The following PCDHGA3 variants were observed in gnomAD, a reference collection of about 807,000 sequenced individuals.
The protein encoded by PCDHGA3 is protocadherin gamma-A3.
Under a neutral mutation model 58.5 loss-of-function variants are expected in PCDHGA3, and 40 were observed. That is an observed-to-expected ratio of 0.68 (90% confidence interval 0.53 to 0.89). The LOEUF is 0.89. Ranked by LOEUF, PCDHGA3 falls within the 40% of genes least tolerant of loss-of-function variation. The pLI is 0.00. For missense variants in PCDHGA3, 1,223 were observed against 1,195.9 expected, an observed-to-expected ratio of 1.02 and a Z score of -0.33; for synonymous variants, 530 against 525.7, an observed-to-expected ratio of 1.01 and a Z score of -0.11.
chr5:141,435,855 G>A (rs1164301394), intron 1 of PCDHGA3, among the ~76,000 whole-genome samples: 1 of 152,006 alleles, frequency 6.6e-6, no homozygotes, highest in Non-Finnish European at 1.5e-5. Flanking sequence ...AGATACAATA[G>A]TTAAAACCCA....
At position 141,378,204 on chromosome 5, in the gene PCDHGA3, T is replaced by C. The variant is rs1335712124; in HGVS notation, c.2424+31747T>C. On this transcript the variant is annotated intron_variant, in intron 1 of 3. Coordinates refer to ENST00000253812, the MANE Select transcript of PCDHGA3 (RefSeq NM_018916.4). ...TGCTGTGTGCCTACTACAGTGTCTT[T>C]TGCATACTGTGTGCCTGATAGTATT... The C allele has an allele frequency of 1.4e-4, 22 of 152,240 alleles. 1 individual carries two copies. Among genetic ancestry groups the C allele is most frequent in the Admixed American group, 1.4e-3 (22 of 15,288 alleles). The allele number at this position is 152,240 out of a possible 1,614,324, so 9.4% of individuals were successfully genotyped here.
intron 1 of PCDHGA3, chr5:141,408,803 G>T: frequency 6.2e-7 from 1 of 1,613,150 alleles, no homozygotes; most frequent in South Asian, 1.1e-5. Flanking sequence ...GAAACTCCTA[G>T]ACCGGGAAGA....
At chr5:141,427,365 TG>T (rs1391779401) in intron 1 of PCDHGA3, 2 of 457,804 alleles carry the variant, frequency 4.4e-6, no homozygotes, top group Non-Finnish European at 8.8e-6. Flanking sequence ...CGCAGAACCC[TG>T]GACGGTGATC....
rs762662380 is a variant in PCDHGA3, at chr5:141,419,561, G to A, written c.2424+73104G>A. 9 of 1,611,728 alleles carry A rather than the reference G, an allele frequency of 5.6e-6. No individual in the cohort carries two copies. The Admixed American group carries it at 1.2e-4, about 21-fold the overall frequency. The stretch of plus-strand genomic sequence containing the variant: ...ACCGCGGGTGCTGTACCCTGCGCTG[G>A]GTCCCGACGGCTCCGCGCTCTTCGA... On this transcript the variant is annotated intron_variant, in intron 1 of 3. Coordinates refer to ENST00000253812, the MANE Select transcript of PCDHGA3 (RefSeq NM_018916.4).
chr5:141,481,179 T>C (rs115525079), intron 1 of PCDHGA3, among the ~76,000 whole-genome samples: 16 of 152,358 alleles, frequency 1.1e-4, no homozygotes, highest in African/African-American at 3.6e-4. Flanking sequence ...TCCAGCTTTA[T>C]TGGGCCAGGC....
chr5:141,413,319 C>T, intron 1 of PCDHGA3: 1 of 1,613,960 alleles, frequency 6.2e-7, no homozygotes, highest in South Asian at 1.1e-5. Context: ...AAGGCTCTTT[C>T]GTGGGCAACA....
Position 141,409,702 on chromosome 5 carries a change from G to A in PCDHGA3, c.2424+63245G>A, listed in dbSNP as rs545411022. The A allele has an allele frequency of 2.0e-5, 32 of 1,613,226 alleles. No homozygotes were observed. In the South Asian group the frequency reaches 3.0e-4, roughly 15 times the overall value. On this transcript the variant is annotated intron_variant, in intron 1 of 3. Transcript: ENST00000253812. ...TGGCGAGTGACCTAGAGCCCCTGGC[G>A]GTGTCGTCATACGTGTCAGTGAGCG...
rs2093981639 is a variant in PCDHGA3 at position 141,400,215 on chromosome 5, A to G, written c.2424+53758A>G. On this transcript the variant is annotated intron_variant, in intron 1 of 3. Transcript: ENST00000253812. ...TAGTGGTGGCCTTGGCCTTGATCTC[A>G]GTGCTCTTCCTCCTGGCCGTGATTC... 3 of 1,613,736 alleles carry G rather than the reference A, an allele frequency of 1.9e-6. No individual in the cohort carries two copies. The East Asian group carries it at 6.7e-5, about 36-fold the overall frequency.
intron 1 of PCDHGA3, among the ~76,000 whole-genome samples, chr5:141,402,328 A>G (rs1589453798): frequency 6.6e-6 from 1 of 152,000 alleles, no homozygotes; most frequent in Non-Finnish European, 1.5e-5. Context: ...ACATTTACAA[A>G]TATATAGGTA....
chr5:141,427,930 T>C, intron 1 of PCDHGA3: 2 of 1,583,398 alleles, frequency 1.3e-6, no homozygotes. Flanking sequence ...CGGCGCATGT[T>C]GGTGGGCGAC....
At position 141,486,427 on chromosome 5, in the gene PCDHGA3, A is replaced by T. The variant is rs775958317; in HGVS notation, c.2425-8380A>T. ...CTGGACCCTTGGATCGAGAGGCCAAATCTAGCTATGACATCATGGTCACTG... is the reference window on the plus strand; with the variant it reads ...CTGGACCCTTGGATCGAGAGGCCAATTCTAGCTATGACATCATGGTCACTG... On this transcript the variant is annotated intron_variant, in intron 1 of 3. Transcript: ENST00000253812. The surrounding 1 kb of genome is among the most constrained non-coding windows in gnomAD (Gnocchi z 5.0). 17 of 1,614,042 alleles carry T rather than the reference A, an allele frequency of 1.1e-5. No homozygotes were observed. The Admixed American group carries it at 2.8e-4, about 27-fold the overall frequency.
At chr5:141,441,187 AT>A (rs1349788972) in intron 1 of PCDHGA3, 1 of 152,214 alleles carries the variant, frequency 6.6e-6, no homozygotes, top group Non-Finnish European at 1.5e-5. Context: ...TTCCACAATG[AT>A]TCCCAAAGAT....
At chr5:141,455,837 AT>A (rs2098833014) in intron 1 of PCDHGA3, among the ~76,000 whole-genome samples, 2 of 151,422 alleles carry the variant, frequency 1.3e-5, no homozygotes, top group African/African-American at 4.8e-5. Context: ...TTTCCTGTCT[AT>A]CTGCATAAAA....
At chr5:141,408,410 G>C (rs1329403051) in intron 1 of PCDHGA3, 1 of 1,613,932 alleles carries the variant, frequency 6.2e-7, no homozygotes, top group African/African-American at 1.3e-5. Flanking sequence ...GCGAGTGAGC[G>C]CGGAGAAGCT....
chr5:141,365,815 A>G (rs1246985073), intron 1 of PCDHGA3: 1 of 1,613,664 alleles, frequency 6.2e-7, no homozygotes, highest in Admixed American at 1.7e-5. Context: ...CTGAAGACAC[A>G]TTTCAGGGGG....
chr5:141,402,369 A>C (rs1281295306), intron 1 of PCDHGA3, among the ~76,000 whole-genome samples: 1 of 152,066 alleles, frequency 6.6e-6, no homozygotes, highest in Non-Finnish European at 1.5e-5. Context: ...ACTTCCAAAC[A>C]AGATTGCACA....
intron 1 of PCDHGA3, chr5:141,384,315 C>G (rs1465826601): frequency 6.2e-7 from 1 of 1,613,878 alleles, no homozygotes; most frequent in Non-Finnish European, 8.5e-7. Flanking sequence ...CCTCCATTTT[C>G]TTAGTGACTG....
At chr5:141,420,824 C>T (rs1282369085) in intron 1 of PCDHGA3, among the ~76,000 whole-genome samples, 1 of 152,216 alleles carries the variant, frequency 6.6e-6, no homozygotes, top group Admixed American at 6.5e-5. Context: ...TTAATAATTA[C>T]TCCTTTCGCA....
intron 1 of PCDHGA3, chr5:141,384,103 T>A (rs1305926581): frequency 6.2e-7 from 1 of 1,600,344 alleles, no homozygotes; most frequent in Non-Finnish European, 8.5e-7. Flanking sequence ...AGATAATTAT[T>A]ATAGATTGGT....
Sources: gnomAD v4.1 joint callset for allele counts (sites outside exome capture counted in the v4.1 genomes callset) on GRCh38, gnomAD v4.1.1 for gene constraint, Gnocchi (gnomAD v3.1) non-coding constraint, MANE v1.5 for transcripts, NCBI Gene and HGNC (gene_info 2026-07-23, HGNC 2026-07-21) for gene names.